The following CASD1 variants were observed in gnomAD, a reference collection of about 807,000 sequenced individuals.
CASD1 encodes N-acetylneuraminate (7)9-O-acetyltransferase.
In CASD1, 41 loss-of-function variants were observed where a neutral mutation model predicts 100.0. The observed-to-expected ratio is 0.41, with a 90% CI of 0.32 to 0.53. The LOEUF (loss-of-function observed/expected upper bound fraction) is 0.53, where lower values mean the gene tolerates loss of function less well. CASD1 is among the 20% of genes least tolerant of loss of function. The pLI, the probability that CASD1 is intolerant of heterozygous loss-of-function variation, is 0.25. For missense variants in CASD1, 774 were observed against 948.7 expected (o/e 0.82, Z 2.42); for synonymous variants, 321 against 315.6 (o/e 1.02, Z -0.18).
the CASD1 span, chr7:94,597,734 C>A: frequency 6.6e-6 from 1 of 152,222 alleles, no homozygotes; most frequent in Non-Finnish European, 1.5e-5. Flanking sequence ...AAAGGCCGGG[C>A]ATGGTGGCTC....
the CASD1 span, among the ~76,000 whole-genome samples, chr7:94,601,668 A>G: frequency 6.6e-6 from 1 of 152,224 alleles, no homozygotes; most frequent in Admixed American, 6.6e-5. Context: ...TCTTCTCCCA[A>G]AAAACTCCAC....
At chr7:94,609,530 T>TA in the CASD1 span, among the ~76,000 whole-genome samples, 2 of 152,132 alleles carry the variant, frequency 1.3e-5, no homozygotes, top group African/African-American at 4.8e-5. Context: ...AGACTCTGTC[T>TA]AAAAAACAAC....
chr7:94,565,223 C>T, the CASD1 span, among the ~76,000 whole-genome samples: 1 of 152,002 alleles, frequency 6.6e-6, no homozygotes, highest in African/African-American at 2.4e-5. Flanking sequence ...GCCTATCAAC[C>T]CATTGTGAAT....
Position 94,516,916 on chromosome 7 carries a change from T to TA in CASD1, c.134-640dup, listed in dbSNP as rs113774762. 1.7e-4 allele frequency among the ~76,000 whole-genome samples: 25 copies of TA among 149,022 alleles called. No homozygotes were observed. In the East Asian group the frequency reaches 4.1e-3, roughly 25 times the overall value. On this transcript the variant is annotated intron_variant, in intron 1 of 17. Coordinates refer to ENST00000297273, the MANE Select transcript of CASD1 (RefSeq NM_022900.5). ...ATCCCTTAAACTTTTTTTTTTTTTT[T>TA]AAAATGAGGCAGAGTCTAGCTCTGT...
At chr7:94,577,088 A>G in the CASD1 span, among the ~76,000 whole-genome samples, 1 of 152,136 alleles carries the variant, frequency 6.6e-6, no homozygotes, top group South Asian at 2.1e-4. Flanking sequence ...TTAGTTCTCT[A>G]GATATATTTG....
At chr7:94,588,306 C>T in the CASD1 span, 5 of 1,068,898 alleles carry the variant, frequency 4.7e-6, no homozygotes, top group South Asian at 3.2e-5. Context: ...CAATGGTTTC[C>T]TTTTGTAAGA....
At chr7:94,589,030 T>C in the CASD1 span, 1 of 398,530 alleles carries the variant, frequency 2.5e-6, no homozygotes, top group South Asian at 2.5e-5. Flanking sequence ...GGTGAAGAAA[T>C]AGCCTTGGAG....
chr7:94,531,197 G>A (rs1322026803), intron 5 of CASD1, among the ~76,000 whole-genome samples: 1 of 152,074 alleles, frequency 6.6e-6, no homozygotes, highest in Non-Finnish European at 1.5e-5. Context: ...GAAGGAAAGA[G>A]AGTGGAGGAG....
At position 94,510,215 on chromosome 7, in the gene CASD1, G is replaced by T; in HGVS notation, c.131G>T (p.Arg44Leu). The T allele has an allele frequency of 6.6e-7, 1 of 1,503,822 alleles. No individual in the cohort carries two copies. Among genetic ancestry groups the T allele is most frequent in the South Asian group, 1.3e-5 (1 of 79,682 alleles). The allele number at this position is 1,503,822 out of a possible 1,614,324, so 93.2% of individuals were successfully genotyped here. Residue 44 changes from arginine to leucine, a missense_variant and splice_region_variant, in exon 1 of 18, where the codon CGA becomes CTA. Arg to Leu is a moderately radical substitution (Grantham distance 102). Transcript: ENST00000297273. ...TGCCACCTCGCCTCCCGCCGCTACCGAGGTGAGCGGGCCCTCCCCTCTGCC... is the reference window on the plus strand; with the variant it reads ...TGCCACCTCGCCTCCCGCCGCTACCTAGGTGAGCGGGCCCTCCCCTCTGCC... ...AACHLASRRY[R>L]GNDSCEYLLS...
chr7:94,554,577 T>C lies in CASD1; in HGVS notation c.2127+2T>C. 1 of 1,589,508 alleles carries C rather than the reference T, an allele frequency of 6.3e-7. No individual in the cohort carries two copies. The highest frequency in any genetic ancestry group is 8.6e-7 in the Non-Finnish European group (1 of 1,158,484). On this transcript the variant is annotated splice_donor_variant, in intron 17 of 17. Transcript: ENST00000297273. LOFTEE classifies it high-confidence loss of function. ...TGGTTTGGAAAAATTTCATTAGAGG[T>C]TGGTACATTAATATTTTGCTTATCT... is the stretch of plus-strand genomic sequence containing the variant.
chr7:94,536,987 G>A lies in CASD1; in HGVS notation c.844-485G>A, dbSNP rs545079757. On this transcript the variant is annotated intron_variant, in intron 8 of 17. Coordinates refer to ENST00000297273, the MANE Select transcript of CASD1 (RefSeq NM_022900.5). Reference sequence around the variant, plus strand: ...AATTTTTTAGTGGCAGTTATTTTGTGCTTTTTTTCCCCCACATTTAAACAG... The same window carrying A: ...AATTTTTTAGTGGCAGTTATTTTGTACTTTTTTTCCCCCACATTTAAACAG... Among the ~76,000 whole-genome samples the A allele has an allele frequency of 6.3e-3, 963 of 152,152 alleles. 8 individuals are homozygous for A. Among genetic ancestry groups the A allele is most frequent in the Non-Finnish European group, 0.011 (744 of 67,990 alleles).
At chr7:94,600,699 T>G in the CASD1 span, 1 of 1,613,876 alleles carries the variant, frequency 6.2e-7, no homozygotes, top group Non-Finnish European at 8.5e-7. Flanking sequence ...AAAGGACCAG[T>G]GCCACTGCCG....
the CASD1 span, chr7:94,588,582 T>C: frequency 6.5e-7 from 1 of 1,548,556 alleles, no homozygotes; most frequent in Non-Finnish European, 8.7e-7. Flanking sequence ...ACAAGTGTTT[T>C]GCCTTATTTG....
the CASD1 span, chr7:94,603,150 G>A: frequency 1.5e-6 from 1 of 653,226 alleles, no homozygotes; most frequent in Non-Finnish European, 2.7e-6. Flanking sequence ...GAGCTTACCA[G>A]ATCCTTAATC....
chr7:94,587,543 G>A, the CASD1 span: 1 of 1,312,234 alleles, frequency 7.6e-7, no homozygotes, highest in Non-Finnish European at 9.6e-7. Context: ...TGAAATTAGT[G>A]GTAGTAGGGA....
the CASD1 span, among the ~76,000 whole-genome samples, chr7:94,584,233 G>A: frequency 6.6e-6 from 1 of 152,160 alleles, no homozygotes; most frequent in Non-Finnish European, 1.5e-5. Flanking sequence ...ATTAGGAGCA[G>A]TTTGATTTCA....
At chr7:94,599,536 C>A in the CASD1 span, 1 of 639,402 alleles carries the variant, frequency 1.6e-6, no homozygotes, top group East Asian at 2.7e-5. Context: ...AGTTTCTACC[C>A]CTCCTAAATA....
intron 3 of CASD1, among the ~76,000 whole-genome samples, chr7:94,519,764 C>G (rs1794168533): frequency 1.3e-5 from 2 of 152,148 alleles, no homozygotes; most frequent in African/African-American, 4.8e-5. Flanking sequence ...ATCTTGGCCT[C>G]CCAAAGTGCT....
chr7:94,515,027 G>A (rs570678586), intron 1 of CASD1, among the ~76,000 whole-genome samples: 1 of 152,004 alleles, frequency 6.6e-6, no homozygotes, highest in East Asian at 1.9e-4. Flanking sequence ...TCTGGATCAG[G>A]TTAATTTATT....
Sources: gnomAD v4.1 joint callset for allele counts (sites outside exome capture counted in the v4.1 genomes callset) on GRCh38, gnomAD v4.1.1 for gene constraint, MANE v1.5 for transcripts, NCBI Gene and HGNC (gene_info 2026-07-23, HGNC 2026-07-21) for gene names.